Variants in ACACA observed in about 807,000 individuals in gnomAD.
ACACA encodes acetyl-CoA carboxylase alpha.
ACACA carries 103 observed loss-of-function variants against 296.1 expected under a neutral mutation model. The ratio of observed to expected loss-of-function variants is 0.35; its 90% CI spans 0.30 to 0.41. ACACA has a LOEUF of 0.41. Among genes scored for constraint, ACACA ranks in the 10% least tolerant of loss-of-function variants. The probability of loss-of-function intolerance (pLI) is 1.00; values close to 1 mark genes in which losing one functional copy is unlikely to be tolerated. For missense variants in ACACA, 1,554 were observed against 2,989.7 expected, an observed-to-expected ratio of 0.52 and a Z score of 11.20; for synonymous variants, 953 against 1,038.6, an observed-to-expected ratio of 0.92 and a Z score of 1.58.
At chr17:37,261,025 G>C (rs2081492965) in intron 11 of ACACA, among the ~76,000 whole-genome samples, 1 of 152,120 alleles carries the variant, frequency 6.6e-6, no homozygotes, top group African/African-American at 2.4e-5. Context: ...AAGGGTAGTG[G>C]GTAGCAGAGA....
intron 2 of ACACA, 87 bp from the exon 3 acceptor site, chr17:37,330,512 T>C (rs561536609): frequency 1.5e-5 from 23 of 1,549,438 alleles, no homozygotes; most frequent in Middle Eastern, 2.0e-4. Context: ...TAATAAACCA[T>C]AGCTGAGACG....
At position 37,252,870 on chromosome 17, in the gene ACACA, G is replaced by C; in HGVS notation, c.1977+16C>G. On this transcript the variant is annotated intron_variant, in intron 15 of 55. Coordinates refer to ENST00000616317, the MANE Select transcript of ACACA (RefSeq NM_198834.3). ...AAAAACCCAATCCCAGCATCTGTTT[G>C]TGGAGAAATACACACCTGTACTTTT... The C allele has an allele frequency of 6.2e-7, 1 of 1,614,034 alleles. No homozygotes were observed. Among genetic ancestry groups the C allele is most frequent in the Non-Finnish European group, 8.5e-7 (1 of 1,180,028 alleles).
intron 1 of ACACA, chr17:37,376,296 A>T: frequency 1.6e-6 from 1 of 643,992 alleles, no homozygotes; most frequent in Non-Finnish European, 2.7e-6. Context: ...ACTCGCCTCT[A>T]AGAAGGACTG....
intron 41 of ACACA, among the ~76,000 whole-genome samples, chr17:37,162,359 T>C (rs1048078698): frequency 2.6e-5 from 4 of 152,190 alleles, no homozygotes; most frequent in Non-Finnish European, 5.9e-5. Context: ...ATGGCACTGT[T>C]GATTAAATCT....
chr17:37,206,876 G>T lies in ACACA; in HGVS notation c.3855C>A (p.Ile1285=), dbSNP rs376257775. The change falls in exon 32 of 56, where the codon ATC becomes ATA. Residue 1285 remains isoleucine (I), a synonymous_variant. Coordinates refer to ENST00000616317, the MANE Select transcript of ACACA (RefSeq NM_198834.3). ...AGAAGCAGCCCATCACTTCATCAAA[G>T]ATCCTAAAAAATACAAGAGAAACAC... The part of the protein sequence containing the change: ...SFRTFEDFVR[I]FDEVMGCFSD... 6.2e-7 allele frequency: 1 copy of T among 1,612,404 alleles called. No individual in the cohort carries two copies. Among genetic ancestry groups the T allele is most frequent in the South Asian group, 1.1e-5 (1 of 91,058 alleles).
chr17:37,194,229 T>G (rs1466459641), intron 35 of ACACA, among the ~76,000 whole-genome samples: 1 of 152,144 alleles, frequency 6.6e-6, no homozygotes, highest in Non-Finnish European at 1.5e-5. Context: ...TCATTAGGCA[T>G]CTTCTTCATT....
chr17:37,197,986 G>C (rs111900046), intron 35 of ACACA, among the ~76,000 whole-genome samples: 1 of 152,232 alleles, frequency 6.6e-6, no homozygotes, highest in African/African-American at 2.4e-5. Flanking sequence ...TGATTGTCAC[G>C]GAAGACCCCC....
At position 37,097,280 on chromosome 17, in the gene ACACA, C is replaced by T; in HGVS notation, c.6721-114G>A. 8.1e-7 allele frequency: 1 copy of T among 1,228,800 alleles called. No individual in the cohort carries two copies. The highest frequency in any genetic ancestry group is 1.3e-5 in the South Asian group (1 of 78,004). 76.1% of individuals were successfully genotyped at this position (1,228,800 alleles called of 1,614,324 possible). A position where few individuals can be genotyped will look rare whatever the true frequency, so the allele number is the denominator to read the frequency against. On this transcript the variant is annotated intron_variant, in intron 53 of 55. Transcript: ENST00000616317. This position sits in a 1 kb window ranked among gnomAD's most constrained non-coding sequence, Gnocchi z 4.8. Reference sequence around the variant, plus strand: ...TCTCCAGGCAAGCCCTTCACAGACCCAAGAGCTGGCTGTAAACTCCTAGCA... The same window carrying T: ...TCTCCAGGCAAGCCCTTCACAGACCTAAGAGCTGGCTGTAAACTCCTAGCA...
chr17:37,325,015 A>G (rs2047536141), intron 3 of ACACA, among the ~76,000 whole-genome samples: 1 of 151,254 alleles, frequency 6.6e-6, no homozygotes, highest in Non-Finnish European at 1.5e-5. Flanking sequence ...TGCCTGACGA[A>G]CACGGTGAAA....
At position 37,093,094 on chromosome 17, in the gene ACACA, C is replaced by G. The variant is rs140572865; in HGVS notation, c.6891+3902G>C. On this transcript the variant is annotated intron_variant, in intron 54 of 55. Transcript: ENST00000616317. The stretch of plus-strand genomic sequence containing the variant: ...TCTACCTTACCTCCTCCCTGCCTGG[C>G]CCTGTGTGAGAAGTTTGGTGTATGA... Among the ~76,000 whole-genome samples, 17 of 152,282 alleles carry G rather than the reference C, an allele frequency of 1.1e-4. No homozygotes were observed. In the East Asian group the frequency reaches 3.3e-3, roughly 29 times the overall value.
chr17:37,314,158 A>C (rs975745740), intron 3 of ACACA, among the ~76,000 whole-genome samples: 4 of 143,770 alleles, frequency 2.8e-5, no homozygotes, highest in African/African-American at 1.1e-4. Flanking sequence ...GCTGGAGTGC[A>C]GTGGCGAAAT....
intron 39 of ACACA, among the ~76,000 whole-genome samples, chr17:37,186,795 T>C (rs184554203): frequency 6.6e-6 from 1 of 152,194 alleles, no homozygotes; most frequent in African/African-American, 2.4e-5. Context: ...TTGTACCATG[T>C]GTAATACTAA....
At chr17:37,284,462 G>C (rs2082681693) in intron 4 of ACACA, among the ~76,000 whole-genome samples, 1 of 152,116 alleles carries the variant, frequency 6.6e-6, no homozygotes, top group East Asian at 1.9e-4. Flanking sequence ...TGTTTTGTTT[G>C]AGACAGGGTC....
intron 3 of ACACA, among the ~76,000 whole-genome samples, chr17:37,302,921 C>T (rs1203016609): frequency 6.6e-6 from 1 of 152,120 alleles, no homozygotes; most frequent in Non-Finnish European, 1.5e-5. Context: ...TAGTTATGAA[C>T]TATCATCACA....
chr17:37,375,246 G>T lies in ACACA; in HGVS notation c.38+31016C>A, dbSNP rs576863570. Among the ~76,000 whole-genome samples, 8 of 152,138 alleles carry T rather than the reference G, an allele frequency of 5.3e-5. 1 individual carries two copies. In the South Asian group the frequency reaches 1.7e-3, roughly 32 times the overall value. ...TCATGCCTGTAATCCCAGCACTTCGGGAGGCCGAGGCAGGTGGATCACGAG... is the reference window on the plus strand; with the variant it reads ...TCATGCCTGTAATCCCAGCACTTCGTGAGGCCGAGGCAGGTGGATCACGAG... On this transcript the variant is annotated intron_variant, in intron 1 of 55. Coordinates refer to ENST00000616317, the MANE Select transcript of ACACA (RefSeq NM_198834.3).
At chr17:37,235,639 T>C (rs1286834076) in intron 24 of ACACA, among the ~76,000 whole-genome samples, 1 of 152,222 alleles carries the variant, frequency 6.6e-6, no homozygotes, top group East Asian at 1.9e-4. Context: ...GCTCAAAAAA[T>C]AAAACCACAC....
At chr17:37,296,333 T>C (rs1396697632) in intron 3 of ACACA, among the ~76,000 whole-genome samples, 6 of 134,776 alleles carry the variant, frequency 4.5e-5, no homozygotes, top group African/African-American at 8.8e-5. Flanking sequence ...TGAGACAGAG[T>C]CTCGCTCTCT....
At position 37,176,630 on chromosome 17, in the gene ACACA, T is replaced by C. The variant is rs571986521; in HGVS notation, c.5079+2630A>G. On this transcript the variant is annotated intron_variant, in intron 41 of 55. Coordinates refer to ENST00000616317, the MANE Select transcript of ACACA (RefSeq NM_198834.3). ...ATAGCTGAAAGTCAACTTGCCCTGA[T>C]AAAACTGGGCTCAGCACGAGGAAAT... is the stretch of plus-strand genomic sequence containing the variant. 4.0e-4 allele frequency among the ~76,000 whole-genome samples: 61 copies of C among 152,258 alleles called. 3 individuals are homozygous for C. Among genetic ancestry groups the C allele is most frequent in the Admixed American group, 3.7e-3 (57 of 15,298 alleles).
At position 37,155,757 on chromosome 17, in the gene ACACA, A is replaced by T; in HGVS notation, c.5373T>A (p.Thr1791=). 6.2e-7 allele frequency: 1 copy of T among 1,609,382 alleles called. No individual in the cohort carries two copies. The highest frequency in any genetic ancestry group is 8.5e-7 in the Non-Finnish European group (1 of 1,177,386). ...PYKGYRYLYL[T]PQDYKRVSAL... ...CACTGACTCTCTTATAATCTTGAGGAGTCAGATATAAATACCTGTATCCCT... is the reference window on the plus strand; with the variant it reads ...CACTGACTCTCTTATAATCTTGAGGTGTCAGATATAAATACCTGTATCCCT... Residue 1791 remains threonine (T), a synonymous_variant, in exon 43 of 56, where the codon ACT becomes ACA. Coordinates refer to ENST00000616317, the MANE Select transcript of ACACA (RefSeq NM_198834.3).
Sources: allele counts gnomAD v4.1 joint callset (sites outside exome capture counted in the v4.1 genomes callset), GRCh38; gene constraint gnomAD v4.1.1; non-coding constraint Gnocchi (gnomAD v3.1); transcripts MANE v1.5; gene names NCBI Gene and HGNC (gene_info 2026-07-23, HGNC 2026-07-21).